Variants in LRRC37A observed in about 807,000 individuals in gnomAD.
The protein encoded by LRRC37A is leucine rich repeat containing 37A.
Under a neutral mutation model 35.4 loss-of-function variants are expected in LRRC37A, and 3 were observed. The ratio of observed to expected loss-of-function variants is 0.08; its 90% CI spans 0.04 to 0.22. The LOEUF (loss-of-function observed/expected upper bound fraction) is 0.22. Among genes scored for constraint, LRRC37A ranks in the 10% least tolerant of loss-of-function variants. The pLI is 1.00. For synonymous variants in LRRC37A, 23 were observed against 215.0 expected (o/e 0.11, Z 7.81); for missense variants, 67 against 565.3 (o/e 0.12, Z 8.94).
chr17:46,291,640 G>A (rs2050070048), upstream of LRRC37A, among the ~76,000 whole-genome samples: 1 of 152,084 alleles, frequency 6.6e-6, no homozygotes, highest in Admixed American at 6.5e-5. Context: ...AGACAACCAG[G>A]GCCCATACGG....
At chr17:46,256,133 G>A in the LRRC37A span, among the ~76,000 whole-genome samples, 24,226 of 151,594 alleles carry the variant, frequency 0.16, 2,784 homozygotes, top group East Asian at 0.42. Context: ...CCCTGAAATC[G>A]CAGCACTTTG....
At chr17:46,271,762 A>G in the LRRC37A span, among the ~76,000 whole-genome samples, 3 of 152,220 alleles carry the variant, frequency 2.0e-5, no homozygotes, top group African/African-American at 7.2e-5. Context: ...AATATCTCCA[A>G]AAGTTCACTT....
At chr17:46,263,550 C>CAAAAAAA in the LRRC37A span, among the ~76,000 whole-genome samples, 4 of 63,630 alleles carry the variant, frequency 6.3e-5, no homozygotes, top group Non-Finnish European at 1.0e-4. Context: ...GACTCTGTCT[C>CAAAAAAA]AAAAAAAAAA....
At chr17:46,283,607 G>C in the LRRC37A span, among the ~76,000 whole-genome samples, 2 of 152,214 alleles carry the variant, frequency 1.3e-5, no homozygotes, top group African/African-American at 4.8e-5. Flanking sequence ...GGAAGACCTT[G>C]GTGTGGTGAA....
the LRRC37A span, among the ~76,000 whole-genome samples, chr17:46,264,520 G>A: frequency 6.6e-6 from 1 of 152,318 alleles, no homozygotes; most frequent in Admixed American, 6.5e-5. Flanking sequence ...TGATAACTTG[G>A]CTTCCTGTGT....
At chr17:46,284,779 T>G in the LRRC37A span, among the ~76,000 whole-genome samples, 1 of 152,376 alleles carries the variant, frequency 6.6e-6, no homozygotes, top group South Asian at 2.1e-4. Context: ...CAACCACACA[T>G]TGAGACTACG....
upstream of LRRC37A, among the ~76,000 whole-genome samples, chr17:46,288,703 T>C (rs1314697447): frequency 8.7e-5 from 13 of 148,890 alleles, no homozygotes; most frequent in East Asian, 2.1e-4. Flanking sequence ...CATCTTGTTT[T>C]TTCTTTTTTT....
chr17:46,281,104 CTGTTT>C, the LRRC37A span, among the ~76,000 whole-genome samples: 2 of 151,954 alleles, frequency 1.3e-5, no homozygotes, highest in Non-Finnish European at 2.9e-5. Flanking sequence ...TATAGATTGT[CTGTTT>C]TATCTAAAAG....
chr17:46,262,372 T>C, the LRRC37A span, among the ~76,000 whole-genome samples: 1 of 151,732 alleles, frequency 6.6e-6, no homozygotes, highest in Non-Finnish European at 1.5e-5. Flanking sequence ...TTCTTCTTCT[T>C]CTTCTTCTTC....
At chr17:46,251,176 C>A in the LRRC37A span, among the ~76,000 whole-genome samples, 1 of 150,832 alleles carries the variant, frequency 6.6e-6, no homozygotes, top group Non-Finnish European at 1.5e-5. Context: ...ACCTTAGTCC[C>A]GTGGTTCTCA....
chr17:46,280,201 T>C, the LRRC37A span, among the ~76,000 whole-genome samples: 2 of 151,942 alleles, frequency 1.3e-5, no homozygotes, highest in Non-Finnish European at 2.9e-5. Flanking sequence ...CCATCCCTAC[T>C]AAAAACACAA....
At chr17:46,332,370 C>T (rs2051998934) in intron 9 of LRRC37A, among the ~76,000 whole-genome samples, 182 bp from the exon 10 acceptor site, 1 of 70,042 alleles carries the variant, frequency 1.4e-5, no homozygotes, top group Non-Finnish European at 2.5e-5. Context: ...GGAGGATCAC[C>T]TGAGCCCAGG....
the LRRC37A span, among the ~76,000 whole-genome samples, chr17:46,280,685 T>C: frequency 6.6e-6 from 1 of 150,910 alleles, no homozygotes; most frequent in Non-Finnish European, 1.5e-5. Flanking sequence ...GTGATTCTCA[T>C]GCCTCAGCCT....
upstream of LRRC37A, among the ~76,000 whole-genome samples, chr17:46,290,900 TA>T (rs111769986): frequency 6.6e-6 from 1 of 152,136 alleles, no homozygotes; most frequent in Non-Finnish European, 1.5e-5. Context: ...GTACCTGAAA[TA>T]AGTTTGCTGT....
chr17:46,274,234 C>T, the LRRC37A span, among the ~76,000 whole-genome samples: 15,597 of 144,004 alleles, frequency 0.11, 1 homozygote, highest in Middle Eastern at 0.18. Context: ...CACATACATC[C>T]ATAGTTGAAT....
At chr17:46,252,212 T>G in the LRRC37A span, among the ~76,000 whole-genome samples, 1 of 127,940 alleles carries the variant, frequency 7.8e-6, no homozygotes, top group African/African-American at 2.6e-5. Context: ...TTTGATTCAT[T>G]GATTTTTTTT....
the LRRC37A span, among the ~76,000 whole-genome samples, chr17:46,251,539 T>A: frequency 1.1e-4 from 17 of 151,826 alleles, no homozygotes; most frequent in Admixed American, 2.0e-4. Context: ...ATTACAGGTG[T>A]GAGCCACCTC....
the LRRC37A span, among the ~76,000 whole-genome samples, chr17:46,263,669 A>G: frequency 6.6e-6 from 1 of 151,588 alleles, no homozygotes; most frequent in East Asian, 2.0e-4. Flanking sequence ...AGCCTGACCA[A>G]CATGGAGAAA....
the LRRC37A span, among the ~76,000 whole-genome samples, chr17:46,250,008 G>A: frequency 6.6e-6 from 1 of 152,208 alleles, no homozygotes; most frequent in Non-Finnish European, 1.5e-5. Flanking sequence ...GTTTCACCAT[G>A]TTCGTCTCAA....
Sources: gnomAD v4.1 joint callset for allele counts (sites outside exome capture counted in the v4.1 genomes callset) on GRCh38, gnomAD v4.1.1 for gene constraint, MANE v1.5 for transcripts, NCBI Gene and HGNC (gene_info 2026-07-23, HGNC 2026-07-21) for gene names.